PYM1: variants seen among roughly 807,000 people sequenced by gnomAD.
PYM1 encodes partner of Y14 and mago.
Under a neutral mutation model 20.7 loss-of-function variants are expected in PYM1, and 7 were observed. That is an observed-to-expected ratio of 0.34 (90% CI 0.19 to 0.64). The LOEUF (loss-of-function observed/expected upper bound fraction) is 0.64, where lower values mean the gene tolerates loss of function less well. Among genes scored for constraint, PYM1 ranks in the 30% least tolerant of loss-of-function variants. PYM1 has a pLI of 0.74. For synonymous variants in PYM1, 100 were observed against 99.2 expected (o/e 1.01, Z -0.05); for missense variants, 194 against 250.0 (o/e 0.78, Z 1.51).
At chr12:55,924,581 T>C (rs1883157642) in intron 1 of PYM1, among the ~76,000 whole-genome samples, 2 of 152,142 alleles carry the variant, frequency 1.3e-5, no homozygotes, top group South Asian at 4.1e-4. Flanking sequence ...TGAAGTCTTC[T>C]GCCAAAAGAA....
chr12:55,916,063 G>A (rs982368747), intron 1 of PYM1, among the ~76,000 whole-genome samples: 2 of 152,210 alleles, frequency 1.3e-5, no homozygotes, highest in Admixed American at 1.3e-4. Context: ...GTCTTGGTGC[G>A]GTGGCTCACG....
intron 1 of PYM1, among the ~76,000 whole-genome samples, chr12:55,908,508 T>C (rs1332646333): frequency 6.6e-6 from 1 of 151,932 alleles, no homozygotes; most frequent in African/African-American, 2.4e-5. Flanking sequence ...GAATTATATA[T>C]TATTACATGA....
intron 1 of PYM1, chr12:55,927,148 G>C: frequency 1.3e-6 from 2 of 1,551,466 alleles, no homozygotes; most frequent in South Asian, 2.4e-5. Flanking sequence ...AGCGGGCTGG[G>C]GTCCCGCCCC....
chr12:55,920,535 G>A (rs991095832), intron 1 of PYM1, among the ~76,000 whole-genome samples: 29 of 151,694 alleles, frequency 1.9e-4, no homozygotes, highest in African/African-American at 7.0e-4. Context: ...CTACTCGGGA[G>A]GCTGAGGCAG....
In PYM1 at chr12:55,910,424, C is replaced by T. The variant is rs577345066; in HGVS notation, c.38-6944G>A. Among the ~76,000 whole-genome samples, 8 of 151,878 alleles carry T rather than the reference C, an allele frequency of 5.3e-5. No individual in the cohort carries two copies. The South Asian group carries it at 1.0e-3, about 20-fold the overall frequency. On this transcript the variant is annotated intron_variant, in intron 1 of 2. Coordinates refer to ENST00000408946, the MANE Select transcript of PYM1 (RefSeq NM_032345.3). ...GCCTGCCGAGTAGCTGGGACTACAG[C>T]GCATCACCACACCTGGCTAATTACT...
chr12:55,901,666 AG>A lies in PYM1; in HGVS notation c.*205del. ...TGAGATTTTGAACACTGGGAATGGGAGGGGGAAAGTCCAAAAAGTAGAAGTT... is the reference window on the plus strand; with the variant it reads ...TGAGATTTTGAACACTGGGAATGGGAGGGGAAAGTCCAAAAAGTAGAAGTT... On this transcript the variant is annotated 3_prime_UTR_variant, in exon 3 of 3. Transcript: ENST00000408946. The A allele has an allele frequency of 1.5e-6, 1 of 650,804 alleles. No homozygotes were observed. The highest frequency in any genetic ancestry group is 2.9e-5 in the East Asian group (1 of 34,966). 40.3% of individuals were successfully genotyped at this position (650,804 alleles called of 1,614,324 possible). A position where few individuals can be genotyped will look rare whatever the true frequency, so the allele number is the denominator to read the frequency against.
intron 1 of PYM1, among the ~76,000 whole-genome samples, chr12:55,922,445 C>CA (rs56355933): frequency 0.023 from 1,968 of 86,200 alleles, 86 homozygotes; most frequent in African/African-American, 0.079. Flanking sequence ...CCATCTTTAC[C>CA]AAAAAAAAAA....
At chr12:55,914,355 C>T (rs549441509) in intron 1 of PYM1, 19 of 702,224 alleles carry the variant, frequency 2.7e-5, no homozygotes, top group African/African-American at 1.2e-4. Flanking sequence ...AGAGGTTTGG[C>T]GGTTCCCACC....
chr12:55,902,250 A>G lies in PYM1; in HGVS notation c.237T>C (p.Gly79=). The change falls in exon 3 of 3, where the codon GGT becomes GGC. Residue 79 remains glycine, a synonymous_variant. Coordinates refer to ENST00000408946, the MANE Select transcript of PYM1 (RefSeq NM_032345.3). ...APVTPSRPEG[G]EPGLSKTAKR... The stretch of plus-strand genomic sequence containing the variant: ...TGGCTGTCTTGGAGAGGCCTGGTTC[A>G]CCACCTTCAGGCCTGGATGGGGTGA... 1 of 1,613,916 alleles carries G rather than the reference A, an allele frequency of 6.2e-7. No individual in the cohort carries two copies. Among genetic ancestry groups the G allele is most frequent in the Non-Finnish European group, 8.5e-7 (1 of 1,179,968 alleles).
intron 1 of PYM1, among the ~76,000 whole-genome samples, chr12:55,908,194 G>T (rs190638945): frequency 1.3e-5 from 2 of 151,730 alleles, no homozygotes; most frequent in Admixed American, 6.6e-5. Flanking sequence ...AGTGAGCCAA[G>T]ATTGCACCGC....
At chr12:55,924,268 G>A (rs764373728) in intron 1 of PYM1, among the ~76,000 whole-genome samples, 1 of 152,062 alleles carries the variant, frequency 6.6e-6, no homozygotes, top group Non-Finnish European at 1.5e-5. Context: ...TCGAGAGAGG[G>A]TAGTGCTAGA....
chr12:55,909,340 A>C (rs1882880641), intron 1 of PYM1, among the ~76,000 whole-genome samples: 1 of 152,134 alleles, frequency 6.6e-6, no homozygotes, highest in South Asian at 2.1e-4. Context: ...TGTAGATAGC[A>C]TTTTCAGGCA....
intron 2 of PYM1, 106 bp downstream of exon 2, chr12:55,903,281 T>A: frequency 1.0e-6 from 1 of 972,598 alleles, no homozygotes; most frequent in Non-Finnish European, 1.6e-6. Flanking sequence ...TCCTTCCATT[T>A]CCTTGGGGCT....
intron 1 of PYM1, among the ~76,000 whole-genome samples, chr12:55,906,652 TATTG>T (rs1882821982): frequency 6.6e-6 from 1 of 152,042 alleles, no homozygotes; most frequent in African/African-American, 2.4e-5. Flanking sequence ...TTTATTTATT[TATTG>T]ATTGATTTTG....
chr12:55,915,071 C>T (rs7312870), intron 1 of PYM1, among the ~76,000 whole-genome samples: 118,291 of 151,754 alleles, frequency 0.78, 46,243 homozygotes, highest in Middle Eastern at 0.88. Context: ...AAAAATTAGC[C>T]GGGCATGGAG....
chr12:55,920,800 C>T (rs1161528002), intron 1 of PYM1, among the ~76,000 whole-genome samples: 2 of 152,110 alleles, frequency 1.3e-5, no homozygotes, highest in Admixed American at 6.6e-5. Flanking sequence ...AACTATAAAA[C>T]ACTCTGCCAG....
chr12:55,906,150 T>C (rs987146681), intron 1 of PYM1, among the ~76,000 whole-genome samples: 4 of 150,366 alleles, frequency 2.7e-5, no homozygotes, highest in African/African-American at 9.8e-5. Flanking sequence ...AGTTTGTCAG[T>C]GTTTTTTTTT....
Position 55,902,318 on chromosome 12 carries a change from G to A in PYM1, c.169C>T (p.Pro57Ser), listed in dbSNP as rs1248737637. The A allele has an allele frequency of 6.2e-7, 1 of 1,612,736 alleles. No individual in the cohort carries two copies. The highest frequency in any genetic ancestry group is 8.5e-7 in the Non-Finnish European group (1 of 1,179,378). Residue 57 changes from proline to serine, a missense_variant, in exon 3 of 3, where the codon CCA (proline) becomes TCA (serine). Pro to Ser is a moderately conservative substitution (Grantham distance 74). Around this residue, in one of 3 missense-constraint regions of PYM1, gnomAD observed 158 missense variants for 179.0 expected, o/e 0.88. Transcript: ENST00000408946. ...NKYVKFFKSK[P>S]ELPPGLSPEA... ...GGGCTTAGCCCTGGGGGCAACTCTG[G>A]TTTACTCTTGAAAAACTTCACATAC...
In PYM1 at chr12:55,902,075, C is replaced by T; in HGVS notation, c.412G>A (p.Ala138Thr). ...GCAGCTGAGTCAGGCTGGTCAGATG[C>T]AGCTGTGGGGGCTGCCCGAGAGCCC... The part of the protein sequence containing the change: ...PQGSRAAPTA[A>T]SDQPDSAATT... The change falls in exon 3 of 3, where the codon GCA becomes ACA. Residue 138 changes from alanine to threonine, a missense_variant. Physicochemically the swap from Ala to Thr is moderately conservative, Grantham distance 58. This residue lies in a region of PYM1 where 158 missense variants were observed against 179.0 expected (regional missense o/e 0.88). Coordinates refer to ENST00000408946, the MANE Select transcript of PYM1 (RefSeq NM_032345.3). 1 of 1,614,146 alleles carries T rather than the reference C, an allele frequency of 6.2e-7. No individual in the cohort carries two copies. Among genetic ancestry groups the T allele is most frequent in the Non-Finnish European group, 8.5e-7 (1 of 1,180,036 alleles).
Sources: gnomAD v4.1 joint callset for allele counts (sites outside exome capture counted in the v4.1 genomes callset) on GRCh38, gnomAD v4.1.1 for gene constraint, gnomAD v4.1.1 regional missense constraint, MANE v1.5 for transcripts, NCBI Gene and HGNC (gene_info 2026-07-23, HGNC 2026-07-21) for gene names.